Variants in LYPD6B observed in about 807,000 individuals in gnomAD.
LYPD6B encodes LY6/PLAUR domain containing 6B.
A neutral mutation model predicts 22.8 loss-of-function variants in LYPD6B; 17 were observed. The ratio of observed to expected loss-of-function variants is 0.75; its 90% CI spans 0.51 to 1.12. The LOEUF is 1.12. Among genes scored for constraint, LYPD6B ranks in the 50% most tolerant of loss-of-function variants. The pLI is 0.00. For synonymous variants in LYPD6B, 106 were observed against 91.6 expected (o/e 1.16, Z -0.90); for missense variants, 221 against 258.3 (o/e 0.86, Z 0.99).
At position 149,105,394 on chromosome 2, in the gene LYPD6B, G is replaced by T. The variant is rs145470790; in HGVS notation, c.-66-25489G>T. On this transcript the variant is annotated intron_variant, in intron 1 of 6. Transcript: ENST00000409642. The stretch of plus-strand genomic sequence containing the variant: ...ATTGTATGGTGTATATAATGATTAA[G>T]GGAGAATTGCAATTTTAATATAATA... Among the ~76,000 whole-genome samples, 22 of 152,216 alleles carry T rather than the reference G, an allele frequency of 1.4e-4. No individual in the cohort carries two copies. In the East Asian group the frequency reaches 3.1e-3, roughly 21 times the overall value.
chr2:149,173,480 T>C (rs1691013799), intron 3 of LYPD6B, among the ~76,000 whole-genome samples: 1 of 151,512 alleles, frequency 6.6e-6, no homozygotes, highest in South Asian at 2.1e-4. Context: ...TTCATTCAAG[T>C]AATTGATAAA....
intron 1 of LYPD6B, among the ~76,000 whole-genome samples, chr2:149,079,145 C>G (rs1323426241): frequency 1.1e-4 from 17 of 150,246 alleles, no homozygotes; most frequent in African/African-American, 3.9e-4. Flanking sequence ...TTTGTGAGCT[C>G]AACTCTAAGC....
chr2:149,119,457 T>C (rs538404023), intron 1 of LYPD6B, among the ~76,000 whole-genome samples: 4 of 152,230 alleles, frequency 2.6e-5, no homozygotes, highest in Non-Finnish European at 4.4e-5. Context: ...AAATAGACCT[T>C]GGGAATGGGG....
At chr2:149,058,245 C>T (rs377617827) in intron 1 of LYPD6B, among the ~76,000 whole-genome samples, 3 of 152,350 alleles carry the variant, frequency 2.0e-5, no homozygotes, top group East Asian at 1.9e-4. Context: ...GTTGTCCTTG[C>T]ACCAACAACT....
chr2:149,087,106 G>A (rs1685438335), intron 1 of LYPD6B, among the ~76,000 whole-genome samples: 1 of 151,974 alleles, frequency 6.6e-6, no homozygotes, highest in Admixed American at 6.6e-5. Context: ...CATACAATCA[G>A]CTCATAACAG....
chr2:149,070,237 A>G (rs58981223), intron 1 of LYPD6B, among the ~76,000 whole-genome samples: 2,482 of 151,758 alleles, frequency 0.016, 69 homozygotes, highest in African/African-American at 0.056. Flanking sequence ...TGGCATTTCA[A>G]TTTTCTCCCC....
chr2:149,134,023 G>A (rs1244711464), intron 2 of LYPD6B, among the ~76,000 whole-genome samples: 1 of 152,104 alleles, frequency 6.6e-6, no homozygotes, highest in Non-Finnish European at 1.5e-5. Flanking sequence ...TTAGGAAGAA[G>A]GAAGGAAGAG....
At chr2:149,121,694 A>G (rs1687368739) in intron 1 of LYPD6B, among the ~76,000 whole-genome samples, 1 of 152,204 alleles carries the variant, frequency 6.6e-6, no homozygotes, top group Non-Finnish European at 1.5e-5. Context: ...GTAATGTTCC[A>G]TGAGCACTTA....
intron 1 of LYPD6B, among the ~76,000 whole-genome samples, chr2:149,091,541 T>TA (rs1685651381): frequency 6.6e-6 from 1 of 152,040 alleles, no homozygotes; most frequent in African/African-American, 2.4e-5. Context: ...TTCATATTTC[T>TA]GAGTAGGACA....
At chr2:149,162,325 C>A (rs1397252656) in intron 3 of LYPD6B, among the ~76,000 whole-genome samples, 1 of 152,174 alleles carries the variant, frequency 6.6e-6, no homozygotes, top group Non-Finnish European at 1.5e-5. Flanking sequence ...AAGGAAGGGT[C>A]TATTAATATC....
At chr2:149,178,730 G>A (rs1691499889) in intron 3 of LYPD6B, among the ~76,000 whole-genome samples, 1 of 152,220 alleles carries the variant, frequency 6.6e-6, no homozygotes, top group African/African-American at 2.4e-5. Flanking sequence ...CTGGAAACCA[G>A]TCAGTGGTAT....
intron 3 of LYPD6B, among the ~76,000 whole-genome samples, chr2:149,173,189 T>A (rs35239887): frequency 0.53 from 76,903 of 144,064 alleles, 20,529 homozygotes; most frequent in East Asian, 0.83. Context: ...TTTTTTTTTT[T>A]AAAAAAAGAC....
intron 3 of LYPD6B, among the ~76,000 whole-genome samples, chr2:149,203,430 T>C (rs183546525): frequency 8.5e-5 from 13 of 152,150 alleles, no homozygotes; most frequent in African/African-American, 3.1e-4. Context: ...ATAATGACTA[T>C]GGAATAGACC....
At chr2:149,153,810 C>A (rs1689524306) in intron 2 of LYPD6B, among the ~76,000 whole-genome samples, 1 of 151,972 alleles carries the variant, frequency 6.6e-6, no homozygotes. Flanking sequence ...TTTACCTGGT[C>A]CAAGACAGGT....
intron 1 of LYPD6B, among the ~76,000 whole-genome samples, chr2:149,086,529 G>T (rs962471781): frequency 3.3e-5 from 5 of 152,164 alleles, no homozygotes; most frequent in Non-Finnish European, 5.9e-5. Context: ...TTACTCCAGG[G>T]TGTCAACTTT....
chr2:149,079,553 G>A (rs367809003), intron 1 of LYPD6B, among the ~76,000 whole-genome samples: 1 of 152,152 alleles, frequency 6.6e-6, no homozygotes, highest in Non-Finnish European at 1.5e-5. Context: ...AAGTGATTCC[G>A]AACTACCAGC....
intron 1 of LYPD6B, among the ~76,000 whole-genome samples, chr2:149,113,320 T>C (rs1686851255): frequency 6.6e-6 from 1 of 152,184 alleles, no homozygotes; most frequent in African/African-American, 2.4e-5. Context: ...TGTGGAATGC[T>C]TAAAAGTTTT....
intron 2 of LYPD6B, among the ~76,000 whole-genome samples, chr2:149,153,821 G>A (rs1335682027): frequency 6.6e-6 from 1 of 152,144 alleles, no homozygotes; most frequent in Non-Finnish European, 1.5e-5. Flanking sequence ...CAAGACAGGT[G>A]ATCCAAGCTG....
At chr2:149,048,305 C>A (rs1261997725) in intron 1 of LYPD6B, among the ~76,000 whole-genome samples, 1 of 152,182 alleles carries the variant, frequency 6.6e-6, no homozygotes, top group Non-Finnish European at 1.5e-5. Flanking sequence ...TCAATCTAGT[C>A]AGAAGATGAA....
Sources: allele counts gnomAD v4.1 joint callset (sites outside exome capture counted in the v4.1 genomes callset), GRCh38; gene constraint gnomAD v4.1.1; transcripts MANE v1.5; gene names NCBI Gene and HGNC (gene_info 2026-07-23, HGNC 2026-07-21).